UBE4B: variants seen among roughly 807,000 people sequenced by gnomAD.
UBE4B encodes the protein ubiquitination factor E4B, also known as ubiquitin conjugation factor E4 B.
A neutral mutation model predicts 148.1 loss-of-function variants in UBE4B; 27 were observed. That is an observed-to-expected ratio of 0.18 (90% CI 0.13 to 0.25). UBE4B has a LOEUF of 0.25. UBE4B is among the 10% of genes least tolerant of loss of function. The probability of loss-of-function intolerance (pLI) is 1.00; values close to 1 mark genes in which losing one functional copy is unlikely to be tolerated. For synonymous variants in UBE4B, 596 were observed against 619.3 expected, an observed-to-expected ratio of 0.96 and a Z score of 0.56; for missense variants, 1,170 against 1,662.4, an observed-to-expected ratio of 0.70 and a Z score of 5.15.
Position 10,106,325 on chromosome 1 carries a change from A to C in UBE4B, c.938A>C (p.His313Pro), listed in dbSNP as rs1184294196. ...LAVPSTPLSP[H>P]SAASGTAAGS... The stretch of plus-strand genomic sequence containing the variant: ...GTGCCTTCCACTCCCCTCAGTCCTC[A>C]CAGTGCAGCCTCTGGAACTGCTGCG... The change falls in exon 7 of 28, where the codon CAC becomes CCC. Residue 313 changes from histidine to proline, a missense_variant. Coordinates refer to ENST00000343090, the MANE Select transcript of UBE4B (RefSeq NM_001105562.3). This position sits in a 1 kb window ranked among gnomAD's most constrained non-coding sequence, Gnocchi z 4.2. 1 of 1,613,838 alleles carries C rather than the reference A, an allele frequency of 6.2e-7. No homozygotes were observed. The highest frequency in any genetic ancestry group is 8.5e-7 in the Non-Finnish European group (1 of 1,179,950).
intron 5 of UBE4B, 175 bp downstream of exon 5, chr1:10,103,267 T>G: frequency 1.9e-6 from 1 of 521,562 alleles, no homozygotes; most frequent in Non-Finnish European, 3.3e-6. Flanking sequence ...CCCTTTCCAC[T>G]GATCTTATCG....
chr1:10,061,815 G>A (rs1644291580), intron 1 of UBE4B, among the ~76,000 whole-genome samples: 1 of 152,050 alleles, frequency 6.6e-6, no homozygotes, highest in South Asian at 2.1e-4. Context: ...TTGCCATTAA[G>A]CATCTGCTGA....
chr1:10,147,581 AT>A, intron 19 of UBE4B, among the ~76,000 whole-genome samples: 1 of 152,336 alleles, frequency 6.6e-6, no homozygotes, highest in East Asian at 1.9e-4. Flanking sequence ...TTTCCCTGTA[AT>A]TAGTTACAAT....
At chr1:10,090,265 G>T (rs1049438688) in intron 2 of UBE4B, among the ~76,000 whole-genome samples, 1 of 152,028 alleles carries the variant, frequency 6.6e-6, no homozygotes, top group Non-Finnish European at 1.5e-5. Context: ...GACTACAGGC[G>T]CATACCATCA....
intron 5 of UBE4B, among the ~76,000 whole-genome samples, chr1:10,103,735 A>G (rs530084820): frequency 6.0e-5 from 9 of 151,200 alleles, no homozygotes; most frequent in East Asian, 1.9e-4. Flanking sequence ...GGTTCAAGCA[A>G]TTCTCCAGCC....
At chr1:10,064,883 C>T (rs915754154) in intron 1 of UBE4B, among the ~76,000 whole-genome samples, 3 of 151,972 alleles carry the variant, frequency 2.0e-5, no homozygotes, top group Non-Finnish European at 2.9e-5. Flanking sequence ...CCTGCCTCAG[C>T]CTCCTGAGTA....
At chr1:10,082,882 C>T (rs755258250) in intron 2 of UBE4B, among the ~76,000 whole-genome samples, 27 of 148,276 alleles carry the variant, frequency 1.8e-4, no homozygotes, top group Non-Finnish European at 3.1e-4. Context: ...TTGTTCAACT[C>T]CCATTTATGA....
At chr1:10,178,497 T>C in intron 25 of UBE4B, 147 bp from the exon 26 acceptor site, 1 of 674,782 alleles carries the variant, frequency 1.5e-6, no homozygotes, top group Non-Finnish European at 2.3e-6. Context: ...AAGACGGATA[T>C]ATAAAATATA....
chr1:10,177,383 G>A (rs978528945), intron 25 of UBE4B, among the ~76,000 whole-genome samples: 9 of 152,208 alleles, frequency 5.9e-5, no homozygotes, highest in South Asian at 2.1e-4. Context: ...TTAGCCAGCC[G>A]TGGTGGCGCA....
At chr1:10,174,987 C>G (rs539947682) in intron 25 of UBE4B, among the ~76,000 whole-genome samples, 1 of 151,982 alleles carries the variant, frequency 6.6e-6, no homozygotes, top group Non-Finnish European at 1.5e-5. Flanking sequence ...TCTTGTTTTC[C>G]GGGAAAGACA....
In UBE4B at chr1:10,146,920, G is replaced by A. The variant is rs199767831; in HGVS notation, c.2464-43G>A. On this transcript the variant is annotated intron_variant, in intron 18 of 27. Coordinates refer to ENST00000343090, the MANE Select transcript of UBE4B (RefSeq NM_001105562.3). ...TGCCCAGTCCCCCTGTAGGGACTTA[G>A]CTACTGACTGATCTTTGGGTGGGGA... The A allele has an allele frequency of 6.2e-4, 995 of 1,608,776 alleles. 6 individuals are homozygous for A. Among genetic ancestry groups the A allele is most frequent in the Middle Eastern group, 4.1e-3 (25 of 6,032 alleles).
intron 2 of UBE4B, among the ~76,000 whole-genome samples, chr1:10,074,345 CT>C (rs36052900): frequency 7.9e-4 from 116 of 146,450 alleles, no homozygotes; most frequent in Admixed American, 1.1e-3. Flanking sequence ...CTCATATGGC[CT>C]TTTTTTTTTT....
rs541668053 is a variant in UBE4B at position 10,172,362 on chromosome 1, A to G, written c.3525+1033A>G. 7.9e-5 allele frequency among the ~76,000 whole-genome samples: 12 copies of G among 152,320 alleles called. No individual in the cohort carries two copies. In the East Asian group the frequency reaches 2.3e-3, roughly 29 times the overall value. On this transcript the variant is annotated intron_variant, in intron 25 of 27. Coordinates refer to ENST00000343090, the MANE Select transcript of UBE4B (RefSeq NM_001105562.3). ...TATCTCCACCCATTTAGTCCTCACA[A>G]AATCCTTTGAGGTAGGTTCTGTAAA...
chr1:10,170,983 ATGT>A (rs1169961181), intron 24 of UBE4B, 152 bp from the exon 25 acceptor site: 3 of 658,836 alleles, frequency 4.6e-6, no homozygotes, highest in East Asian at 2.8e-5. Context: ...TTGAAATATA[ATGT>A]TGTCTTTCTT....
At chr1:10,144,060 A>G (rs577024620) in intron 17 of UBE4B, among the ~76,000 whole-genome samples, 7 of 152,298 alleles carry the variant, frequency 4.6e-5, no homozygotes, top group African/African-American at 1.7e-4. Flanking sequence ...CATGATAGAA[A>G]GGGGTTGAAA....
intron 1 of UBE4B, among the ~76,000 whole-genome samples, chr1:10,053,750 G>A (rs1347083384): frequency 6.6e-6 from 1 of 152,126 alleles, no homozygotes; most frequent in Non-Finnish European, 1.5e-5. Flanking sequence ...GTGCAGTGGC[G>A]TGATCACGGC....
chr1:10,130,580 G>A lies in UBE4B; in HGVS notation c.1776G>A (p.Gly592=), dbSNP rs1020212439. 1.6e-5 allele frequency: 26 copies of A among 1,613,994 alleles called. No individual in the cohort carries two copies. Among genetic ancestry groups the A allele is most frequent in the East Asian group, 8.9e-5 (4 of 44,884 alleles). ...GRELQRLSYL[G]AFFSFSVFAE... ...AGCTGCAGAGACTCTCTTACTTAGGGGCTTTCTTTAGCTTCTCAGTCTTTG... is the reference window on the plus strand; with the variant it reads ...AGCTGCAGAGACTCTCTTACTTAGGAGCTTTCTTTAGCTTCTCAGTCTTTG... Residue 592 remains glycine, a synonymous_variant, in exon 13 of 28, where the codon GGG becomes GGA. Transcript: ENST00000343090.
intron 23 of UBE4B, among the ~76,000 whole-genome samples, chr1:10,164,059 G>A (rs1312928104): frequency 1.3e-5 from 2 of 151,630 alleles, no homozygotes; most frequent in African/African-American, 4.8e-5. Context: ...ACAGAGTCTT[G>A]ACCGGGCACA....
chr1:10,087,794 C>T (rs1644787186), intron 2 of UBE4B, among the ~76,000 whole-genome samples: 1 of 152,140 alleles, frequency 6.6e-6, no homozygotes, highest in Non-Finnish European at 1.5e-5. Context: ...TCTTTGGTAT[C>T]GAGTTCCTAA....
Sources: gnomAD v4.1 joint callset for allele counts (sites outside exome capture counted in the v4.1 genomes callset) on GRCh38, gnomAD v4.1.1 for gene constraint, Gnocchi (gnomAD v3.1) non-coding constraint, MANE v1.5 for transcripts, NCBI Gene and HGNC (gene_info 2026-07-23, HGNC 2026-07-21) for gene names.